The following AKAP13 variants were observed in gnomAD, a reference collection of about 807,000 sequenced individuals.
AKAP13 encodes A-kinase anchor protein 13.
A neutral mutation model predicts 264.5 loss-of-function variants in AKAP13; 80 were observed. The ratio of observed to expected loss-of-function variants is 0.30; its 90% CI spans 0.25 to 0.36. The LOEUF (loss-of-function observed/expected upper bound fraction) is 0.36, where lower values mean the gene tolerates loss of function less well. AKAP13 is among the 10% of genes least tolerant of loss of function. AKAP13 has a pLI of 1.00. For missense variants in AKAP13, 3,712 were observed against 3,435.2 expected (o/e 1.08, Z -2.01); for synonymous variants, 1,380 against 1,250.2 (o/e 1.10, Z -2.19).
intron 23 of AKAP13, among the ~76,000 whole-genome samples, chr15:85,721,544 A>G (rs1302299763): frequency 6.6e-6 from 1 of 152,230 alleles, no homozygotes; most frequent in Non-Finnish European, 1.5e-5. Context: ...GGCCTGAAGT[A>G]AGTAGTACAA....
chr15:85,539,654 T>C (rs1283553556), intron 4 of AKAP13, among the ~76,000 whole-genome samples: 4 of 152,174 alleles, frequency 2.6e-5, no homozygotes, highest in African/African-American at 9.7e-5. Context: ...GCACATCAAC[T>C]TTTTTGCAGA....
At chr15:85,633,353 C>T (rs1002537863) in intron 8 of AKAP13, among the ~76,000 whole-genome samples, 14 of 134,890 alleles carry the variant, frequency 1.0e-4, no homozygotes, top group African/African-American at 3.7e-4. Context: ...CTTCTTATTA[C>T]AGGAATAATA....
chr15:85,537,844 C>T (rs2077452226), intron 4 of AKAP13, among the ~76,000 whole-genome samples: 1 of 152,178 alleles, frequency 6.6e-6, no homozygotes, highest in African/African-American at 2.4e-5. Context: ...AGACACAAAA[C>T]ATTGATGTTT....
rs759760018 is a variant in AKAP13, at chr15:85,639,398, A to C, written c.4186A>C (p.Ile1396Leu). Residue 1396 changes from isoleucine to leucine, a missense_variant, in exon 9 of 37, where the codon ATA becomes CTA. Ile to Leu is a conservative substitution (Grantham distance 5, BLOSUM62 2). This residue lies in a region of AKAP13 where 2,759 missense variants were observed against 2,411.7 expected (regional missense o/e 1.14). Coordinates refer to ENST00000394518, the MANE Select transcript of AKAP13 (RefSeq NM_007200.5). Reference sequence around the variant, plus strand: ...GATAAACCGAGAAAACTGGTGTACAATAGAGCCATGCCCTGATGCAGCATC... The same window carrying C: ...GATAAACCGAGAAAACTGGTGTACACTAGAGCCATGCCCTGATGCAGCATC... Reference protein sequence around the residue: ...QAINRENWCTIEPCPDAASLL... With the variant: ...QAINRENWCTLEPCPDAASLL... 6.2e-7 allele frequency: 1 copy of C among 1,612,376 alleles called. No individual in the cohort carries two copies. Among genetic ancestry groups the C allele is most frequent in the Non-Finnish European group, 8.5e-7 (1 of 1,179,516 alleles).
At chr15:85,441,698 G>T (rs1441400014) in intron 1 of AKAP13, among the ~76,000 whole-genome samples, 1 of 151,886 alleles carries the variant, frequency 6.6e-6, no homozygotes, top group Non-Finnish European at 1.5e-5. Flanking sequence ...GTAAGCTAGG[G>T]TATAAGTTCA....
chr15:85,651,335 A>G (rs2082834030), intron 10 of AKAP13, among the ~76,000 whole-genome samples: 1 of 152,224 alleles, frequency 6.6e-6, no homozygotes, highest in African/African-American at 2.4e-5. Flanking sequence ...GTAACTATAT[A>G]TCTGTCCATC....
chr15:85,466,045 C>G (rs1282438980), intron 1 of AKAP13, among the ~76,000 whole-genome samples: 2 of 152,132 alleles, frequency 1.3e-5, no homozygotes, highest in Non-Finnish European at 2.9e-5. Context: ...GGTTGCCTTT[C>G]TAACTGGTGT....
chr15:85,721,890 G>C, intron 23 of AKAP13, 101 bp from the exon 24 acceptor site: 1 of 1,530,740 alleles, frequency 6.5e-7, no homozygotes, highest in South Asian at 1.3e-5. Flanking sequence ...AATTTATGAG[G>C]AAGCGCTCTT....
intron 2 of AKAP13, among the ~76,000 whole-genome samples, chr15:85,494,337 G>T: frequency 6.6e-6 from 1 of 152,214 alleles, no homozygotes; most frequent in Middle Eastern, 3.2e-3. Context: ...GAGGAGGAAA[G>T]GGTCTTTGGA....
At chr15:85,653,261 G>A (rs1286824316) in intron 10 of AKAP13, among the ~76,000 whole-genome samples, 4 of 152,146 alleles carry the variant, frequency 2.6e-5, no homozygotes, top group Non-Finnish European at 5.9e-5. Flanking sequence ...TTGATATCTT[G>A]TTCTTACAGG....
At chr15:85,692,904 C>T (rs1317747526) in intron 16 of AKAP13, among the ~76,000 whole-genome samples, 2 of 152,154 alleles carry the variant, frequency 1.3e-5, no homozygotes, top group East Asian at 3.9e-4. Context: ...CTAAAGCTGG[C>T]CCTAAACCCA....
In AKAP13 at chr15:85,741,228, G is replaced by A; in HGVS notation, c.7791G>A (p.Glu2597=). 1 of 1,609,826 alleles carries A rather than the reference G, an allele frequency of 6.2e-7. No individual in the cohort carries two copies. The highest frequency in any genetic ancestry group is 8.5e-7 in the Non-Finnish European group (1 of 1,178,120). The change falls in exon 35 of 37, where the codon GAG becomes GAA. Residue 2597 remains glutamate, a synonymous_variant. Coordinates refer to ENST00000394518, the MANE Select transcript of AKAP13 (RefSeq NM_007200.5). ...LQKQQAQYLE[E]KRRREREWEA... ...AGCAGCAGGCCCAGTACCTCGAGGAGAAGCGCAGGCGCGAGCGTGAGTGGG... is the reference window on the plus strand; with the variant it reads ...AGCAGCAGGCCCAGTACCTCGAGGAAAAGCGCAGGCGCGAGCGTGAGTGGG...
Position 85,543,915 on chromosome 15 carries a change from T to G in AKAP13, c.622T>G (p.Leu208Val), listed in dbSNP as rs771637523. The G allele has an allele frequency of 3.7e-6, 6 of 1,613,978 alleles. No individual in the cohort carries two copies. The highest frequency in any genetic ancestry group is 2.2e-5 in the East Asian group (1 of 44,880). The change falls in exon 5 of 37, where the codon TTG becomes GTG. Residue 208 changes from leucine to valine, a missense_variant. By Grantham distance (32) the Leu-to-Val change is conservative. Coordinates refer to ENST00000394518, the MANE Select transcript of AKAP13 (RefSeq NM_007200.5). The stretch of plus-strand genomic sequence containing the variant: ...AGGGGCGACGCCTGTGAGCTTGGCC[T>G]TGGAGCGAGGCTATCACAAGCTGCA... ...QEGATPVSLA[L>V]ERGYHKLHQL... is the part of the protein sequence containing the mutation.
chr15:85,636,868 G>A (rs1013987256), intron 8 of AKAP13, among the ~76,000 whole-genome samples: 6 of 152,166 alleles, frequency 3.9e-5, no homozygotes, highest in Non-Finnish European at 8.8e-5. Context: ...GCCTGCCTTG[G>A]CTTCCCAAAG....
chr15:85,442,527 T>C (rs1259629456), intron 1 of AKAP13, among the ~76,000 whole-genome samples: 1 of 74,074 alleles, frequency 1.3e-5, no homozygotes, highest in Non-Finnish European at 3.2e-5. Flanking sequence ...TATTATATTA[T>C]ATATAATATA....
chr15:85,399,773 G>T (rs1238566861), intron 1 of AKAP13, among the ~76,000 whole-genome samples: 1 of 151,842 alleles, frequency 6.6e-6, no homozygotes, highest in Non-Finnish European at 1.5e-5. Flanking sequence ...TGTTCCTTTG[G>T]CTTGTTCTTA....
At chr15:85,477,013 A>G (rs1383612377) in intron 1 of AKAP13, among the ~76,000 whole-genome samples, 1 of 152,034 alleles carries the variant, frequency 6.6e-6, no homozygotes, top group East Asian at 1.9e-4. Context: ...AGGTGGGTTA[A>G]ATGTGTTCCC....
intron 8 of AKAP13, among the ~76,000 whole-genome samples, chr15:85,600,542 C>T (rs2151361302): frequency 6.6e-6 from 1 of 152,228 alleles, no homozygotes; most frequent in Middle Eastern, 3.4e-3. Flanking sequence ...CACTGCTGGG[C>T]CATTTTTAAT....
At chr15:85,384,444 C>T (rs1567030893) in intron 1 of AKAP13, among the ~76,000 whole-genome samples, 2 of 152,290 alleles carry the variant, frequency 1.3e-5, no homozygotes, top group East Asian at 3.9e-4. Flanking sequence ...TAGCCTGGCG[C>T]AGTGGCTCAC....
Sources: gnomAD v4.1 joint callset for allele counts (sites outside exome capture counted in the v4.1 genomes callset) on GRCh38, gnomAD v4.1.1 for gene constraint, gnomAD v4.1.1 regional missense constraint, MANE v1.5 for transcripts, NCBI Gene and HGNC (gene_info 2026-07-23, HGNC 2026-07-21) for gene names.